Variants in LTBP1 observed in about 807,000 individuals in gnomAD.
LTBP1 encodes latent transforming growth factor beta binding protein 1.
LTBP1 carries 129 observed loss-of-function variants against 207.6 expected under a neutral mutation model. The ratio of observed to expected loss-of-function variants is 0.62; its 90% CI spans 0.54 to 0.72. The LOEUF (loss-of-function observed/expected upper bound fraction) is 0.72. Ranked by LOEUF, LTBP1 falls within the 30% of genes least tolerant of loss-of-function variation. LTBP1 has a pLI of 0.00. For missense variants in LTBP1, 2,281 were observed against 2,217.2 expected (o/e 1.03, Z -0.58); for synonymous variants, 963 against 833.7 (o/e 1.16, Z -2.67).
chr2:33,220,744 G>A (rs1353707010), intron 8 of LTBP1, among the ~76,000 whole-genome samples: 2 of 152,216 alleles, frequency 1.3e-5, no homozygotes, highest in African/African-American at 4.8e-5. Flanking sequence ...GAGGTCTATG[G>A]GACAAGACAG....
chr2:33,177,402 C>G (rs1326758303), intron 5 of LTBP1, among the ~76,000 whole-genome samples: 1 of 152,190 alleles, frequency 6.6e-6, no homozygotes, highest in East Asian at 1.9e-4. Context: ...GTAATCCCAG[C>G]ACTTTGCAGG....
chr2:33,280,913 TA>T (rs1461675532), intron 19 of LTBP1, among the ~76,000 whole-genome samples: 1 of 151,882 alleles, frequency 6.6e-6, no homozygotes, highest in Admixed American at 6.6e-5. Flanking sequence ...TACAAAACAT[TA>T]AAAAACTTAC....
At chr2:33,017,543 C>T (rs10179273) in intron 2 of LTBP1, among the ~76,000 whole-genome samples, 2 of 152,200 alleles carry the variant, frequency 1.3e-5, no homozygotes. Flanking sequence ...GTAAGAACTG[C>T]TACTGCATGG....
chr2:33,219,915 T>C (rs1268678759), intron 8 of LTBP1, among the ~76,000 whole-genome samples: 1 of 152,168 alleles, frequency 6.6e-6, no homozygotes, highest in Non-Finnish European at 1.5e-5. Context: ...TTGTCTAGAA[T>C]TGCGTCATTT....
rs1454647855 is a variant in LTBP1 at position 33,055,564 on chromosome 2, C to CTAAGA, written c.863+34361_863+34365dup. Among the ~76,000 whole-genome samples, 6 of 152,300 alleles carry CTAAGA rather than the reference C, an allele frequency of 3.9e-5. No homozygotes were observed. The East Asian group carries it at 1.2e-3, about 29-fold the overall frequency. ...GGCTGTCATTCTATCATTTACTTGA[C>CTAAGA]TAAGATACCAGGTGTCTCCAAACTC... is the stretch of plus-strand genomic sequence containing the variant. On this transcript the variant is annotated intron_variant, in intron 3 of 33. Coordinates refer to ENST00000404816, the MANE Select transcript of LTBP1 (RefSeq NM_206943.4).
At chr2:33,223,606 A>G (rs1000226495) in intron 9 of LTBP1, among the ~76,000 whole-genome samples, 1 of 152,220 alleles carries the variant, frequency 6.6e-6, no homozygotes, top group East Asian at 1.9e-4. Context: ...ATGTTTTACA[A>G]TATAAACCAA....
At position 32,948,990 on chromosome 2, in the gene LTBP1, G is replaced by C. The variant is rs370213558; in HGVS notation, c.565+45G>C. ...GTGGCCCTGCACAGTAGGCAAAGTG[G>C]GGGGAGGTGTCCACATGGGGGCATC... On this transcript the variant is annotated intron_variant, in intron 2 of 33. Coordinates refer to ENST00000404816, the MANE Select transcript of LTBP1 (RefSeq NM_206943.4). 23 of 1,597,730 alleles carry C rather than the reference G, an allele frequency of 1.4e-5. No homozygotes were observed. In the African/African-American group the frequency reaches 2.5e-4, roughly 18 times the overall value.
At chr2:33,151,965 A>C (rs894356859) in intron 5 of LTBP1, among the ~76,000 whole-genome samples, 1 of 152,012 alleles carries the variant, frequency 6.6e-6, no homozygotes, top group Non-Finnish European at 1.5e-5. Flanking sequence ...TGCTATAAAC[A>C]TGCGTGTGCA....
rs573577578 is a variant in LTBP1 at position 33,235,299 on chromosome 2, A to G, written c.1877-8363A>G. On this transcript the variant is annotated intron_variant, in intron 9 of 33. Coordinates refer to ENST00000404816, the MANE Select transcript of LTBP1 (RefSeq NM_206943.4). ...TTATGCAGCCAACAAACATGAAAAA[A>G]AGCTCATCATCACTGGTCATTAGAG... Among the ~76,000 whole-genome samples the G allele has an allele frequency of 5.9e-5, 9 of 152,360 alleles. No homozygotes were observed. The East Asian group carries it at 1.7e-3, about 29-fold the overall frequency.
rs372374167 is a variant in LTBP1 at position 33,279,915 on chromosome 2, A to T, written c.2993-124A>T. 1.0e-5 allele frequency: 10 copies of T among 967,738 alleles called. No individual in the cohort carries two copies. The East Asian group carries it at 2.2e-4, about 21-fold the overall frequency. The allele number at this position is 967,738 out of a possible 1,614,324, so 59.9% of individuals were successfully genotyped here. A position where few individuals can be genotyped will look rare whatever the true frequency, so the allele number is the denominator to read the frequency against. On this transcript the variant is annotated intron_variant, in intron 18 of 33. Coordinates refer to ENST00000404816, the MANE Select transcript of LTBP1 (RefSeq NM_206943.4). Reference sequence around the variant, plus strand: ...TATAGACCCAATGTCTCACTTACCCAATTATTGTTTTTCCCACTGAAATGT... The same window carrying T: ...TATAGACCCAATGTCTCACTTACCCTATTATTGTTTTTCCCACTGAAATGT...
chr2:33,065,469 A>G (rs1215276151), intron 3 of LTBP1, among the ~76,000 whole-genome samples: 1 of 152,120 alleles, frequency 6.6e-6, no homozygotes, highest in East Asian at 1.9e-4. Context: ...TCGGAGGATT[A>G]CTTGAGCTCA....
intron 13 of LTBP1, among the ~76,000 whole-genome samples, chr2:33,260,811 C>T (rs950366373): frequency 2.6e-5 from 4 of 152,122 alleles, no homozygotes; most frequent in African/African-American, 7.2e-5. Flanking sequence ...TGTAGGTGGG[C>T]CAGCCAGCAT....
In LTBP1 at chr2:33,226,119, A is replaced by G. The variant is rs1232353253; in HGVS notation, c.1876+3968A>G. 3.3e-5 allele frequency among the ~76,000 whole-genome samples: 5 copies of G among 152,330 alleles called. No homozygotes were observed. In the South Asian group the frequency reaches 8.3e-4, roughly 25 times the overall value. ...GAAATATATTGCTTAATATGCAAAT[A>G]CTTGTGAAATTTTTCTTGTTCTATC... On this transcript the variant is annotated intron_variant, in intron 9 of 33. Coordinates refer to ENST00000404816, the MANE Select transcript of LTBP1 (RefSeq NM_206943.4).
chr2:33,063,203 A>G (rs1193363234), intron 3 of LTBP1: 1 of 151,512 alleles, frequency 6.6e-6, no homozygotes, highest in Admixed American at 6.6e-5. Context: ...CGAATTATAG[A>G]ATTAGTTTGT....
At chr2:33,276,443 G>A (rs533533891) in intron 18 of LTBP1, among the ~76,000 whole-genome samples, 1 of 152,326 alleles carries the variant, frequency 6.6e-6, no homozygotes, top group East Asian at 1.9e-4. Context: ...ACAGCAATGA[G>A]CTTTCTCTCA....
intron 3 of LTBP1, among the ~76,000 whole-genome samples, chr2:33,042,975 C>T (rs1316747787): frequency 6.6e-6 from 1 of 152,160 alleles, no homozygotes; most frequent in Non-Finnish European, 1.5e-5. Context: ...GCCTTCTGGG[C>T]ATCTGACTAC....
At chr2:33,026,436 A>G (rs1449931405) in intron 3 of LTBP1, among the ~76,000 whole-genome samples, 1 of 152,224 alleles carries the variant, frequency 6.6e-6, no homozygotes, top group Non-Finnish European at 1.5e-5. Context: ...ATAAGTGTTA[A>G]TAATGTCTAA....
At chr2:33,195,337 C>G (rs1573100824) in intron 7 of LTBP1, among the ~76,000 whole-genome samples, 1 of 152,068 alleles carries the variant, frequency 6.6e-6, no homozygotes, top group Non-Finnish European at 1.5e-5. Flanking sequence ...TTCTAGATGC[C>G]ATTAGAAACA....
chr2:32,978,924 A>G (rs902410919), intron 2 of LTBP1, among the ~76,000 whole-genome samples: 2 of 151,708 alleles, frequency 1.3e-5, no homozygotes. Flanking sequence ...TCATGATTCA[A>G]TCTTGGTAGG....
Sources: allele counts gnomAD v4.1 joint callset (sites outside exome capture counted in the v4.1 genomes callset), GRCh38; gene constraint gnomAD v4.1.1; transcripts MANE v1.5; gene names NCBI Gene and HGNC (gene_info 2026-07-23, HGNC 2026-07-21).